Variants in MAGI2 observed in about 807,000 individuals in gnomAD.
MAGI2 encodes membrane associated guanylate kinase, WW and PDZ domain containing 2, also known as membrane-associated guanylate kinase, WW and PDZ domain-containing protein 2.
In MAGI2, 35 loss-of-function variants were observed where a neutral mutation model predicts 133.3. The observed-to-expected ratio is 0.26, with a 90% CI of 0.20 to 0.35. The LOEUF is 0.35. MAGI2 is among the 10% of genes least tolerant of loss of function. The probability of loss-of-function intolerance (pLI) is 1.00; values close to 1 mark genes in which losing one functional copy is unlikely to be tolerated. For synonymous variants in MAGI2, 729 were observed against 710.6 expected, an observed-to-expected ratio of 1.03 and a Z score of -0.41; for missense variants, 1,636 against 1,863.4, an observed-to-expected ratio of 0.88 and a Z score of 2.25.
At chr7:78,044,896 C>T (rs892790034) in intron 21 of MAGI2, among the ~76,000 whole-genome samples, 2 of 152,324 alleles carry the variant, frequency 1.3e-5, no homozygotes, top group Non-Finnish European at 2.9e-5. Context: ...TGGCCGGGTG[C>T]GGCGGCTCAC....
At chr7:78,206,515 A>G (rs1322687974) in intron 10 of MAGI2, among the ~76,000 whole-genome samples, 1 of 151,728 alleles carries the variant, frequency 6.6e-6, no homozygotes, top group East Asian at 1.9e-4. Flanking sequence ...CTGGTCTCAA[A>G]CTCCTGATCT....
At chr7:78,762,912 T>G (rs979877236) in intron 2 of MAGI2, among the ~76,000 whole-genome samples, 1 of 152,208 alleles carries the variant, frequency 6.6e-6, no homozygotes, top group African/African-American at 2.4e-5. Flanking sequence ...GAACACAGTT[T>G]AGTTTGGTAC....
At chr7:78,852,227 T>G (rs1171844895) in intron 2 of MAGI2, among the ~76,000 whole-genome samples, 4 of 152,158 alleles carry the variant, frequency 2.6e-5, no homozygotes, top group Non-Finnish European at 4.4e-5. Flanking sequence ...CTATTCATTT[T>G]GTCTACCTAT....
chr7:79,284,195 T>C (rs1835845611), intron 1 of MAGI2, among the ~76,000 whole-genome samples: 1 of 152,116 alleles, frequency 6.6e-6, no homozygotes, highest in Non-Finnish European at 1.5e-5. Flanking sequence ...TTTTACATTT[T>C]ATGATAGGGT....
chr7:78,936,824 A>G (rs1800553416), intron 2 of MAGI2, among the ~76,000 whole-genome samples: 1 of 152,086 alleles, frequency 6.6e-6, no homozygotes, highest in South Asian at 2.1e-4. Context: ...GATTGCAATC[A>G]GAAATATCAA....
At chr7:78,994,218 C>T (rs1397196456) in intron 2 of MAGI2, among the ~76,000 whole-genome samples, 4 of 152,056 alleles carry the variant, frequency 2.6e-5, no homozygotes, top group Admixed American at 6.6e-5. Flanking sequence ...GAGACTGTTG[C>T]TTTTCTTCAT....
intron 1 of MAGI2, among the ~76,000 whole-genome samples, chr7:79,285,516 T>C (rs1201118778): frequency 6.6e-6 from 1 of 152,156 alleles, no homozygotes; most frequent in East Asian, 1.9e-4. Flanking sequence ...CTTGTCAGAA[T>C]CTGCCAGTGT....
At chr7:79,222,055 G>A (rs1830481818) in intron 1 of MAGI2, among the ~76,000 whole-genome samples, 1 of 151,988 alleles carries the variant, frequency 6.6e-6, no homozygotes. Flanking sequence ...AAGCTACCAA[G>A]TGTTCGATGG....
chr7:79,254,224 C>T (rs1034068380), intron 1 of MAGI2, among the ~76,000 whole-genome samples: 1 of 152,018 alleles, frequency 6.6e-6, no homozygotes, highest in African/African-American at 2.4e-5. Context: ...TTGGGTTGTT[C>T]AACTTTTTCT....
intron 1 of MAGI2, among the ~76,000 whole-genome samples, chr7:79,349,795 G>A (rs1393329039): frequency 3.9e-5 from 6 of 151,936 alleles, no homozygotes; most frequent in Admixed American, 3.9e-4. Context: ...GGGAAATTTA[G>A]AATTAACTTT....
chr7:78,481,405 C>T (rs560049315), intron 6 of MAGI2, among the ~76,000 whole-genome samples: 18 of 152,036 alleles, frequency 1.2e-4, no homozygotes, highest in Non-Finnish European at 2.2e-4. Flanking sequence ...GGGCAAACTG[C>T]CCCATAATTC....
At chr7:78,502,600 A>G (rs1794720907) in intron 4 of MAGI2, among the ~76,000 whole-genome samples, 1 of 152,070 alleles carries the variant, frequency 6.6e-6, no homozygotes, top group Non-Finnish European at 1.5e-5. Context: ...TGTTGTTCTT[A>G]ATCTCTTACT....
At chr7:79,196,021 T>G (rs1047391865) in intron 1 of MAGI2, among the ~76,000 whole-genome samples, 1 of 151,948 alleles carries the variant, frequency 6.6e-6, no homozygotes, top group African/African-American at 2.4e-5. Context: ...GAATATCTAT[T>G]GTACAACATG....
At chr7:78,308,287 G>A (rs1210207519) in intron 9 of MAGI2, among the ~76,000 whole-genome samples, 2 of 152,184 alleles carry the variant, frequency 1.3e-5, no homozygotes, top group Non-Finnish European at 1.5e-5. Context: ...GACACTCTGA[G>A]GCCACCTTGA....
intron 10 of MAGI2, among the ~76,000 whole-genome samples, chr7:78,242,357 G>A (rs1489188917): frequency 2.0e-5 from 3 of 152,202 alleles, no homozygotes; most frequent in African/African-American, 7.2e-5. Context: ...ATGGAGGGGA[G>A]GTGCTCAGGA....
intron 9 of MAGI2, among the ~76,000 whole-genome samples, chr7:78,322,439 GAT>G (rs1788098842): frequency 6.6e-6 from 1 of 152,308 alleles, no homozygotes; most frequent in South Asian, 2.1e-4. Flanking sequence ...CATAAAAAAG[GAT>G]ATGTTTCTGT....
intron 2 of MAGI2, among the ~76,000 whole-genome samples, chr7:78,910,938 T>C (rs1240174073): frequency 3.3e-5 from 5 of 152,242 alleles, no homozygotes; most frequent in Non-Finnish European, 7.3e-5. Context: ...ATTTGCACTC[T>C]TGACCAATAA....
At chr7:78,199,801 A>T (rs1829070516) in intron 11 of MAGI2, among the ~76,000 whole-genome samples, 1 of 152,340 alleles carries the variant, frequency 6.6e-6, no homozygotes, top group Non-Finnish European at 1.5e-5. Context: ...GGAATTACTG[A>T]CTATGCATGT....
chr7:78,356,305 A>C (rs1792075535), intron 7 of MAGI2, among the ~76,000 whole-genome samples: 1 of 152,192 alleles, frequency 6.6e-6, no homozygotes. Context: ...GTTGTAGGCC[A>C]GGTTCAGTTC....
Sources: allele counts gnomAD v4.1 joint callset (sites outside exome capture counted in the v4.1 genomes callset), GRCh38; gene constraint gnomAD v4.1.1; transcripts MANE v1.5; gene names NCBI Gene and HGNC (gene_info 2026-07-23, HGNC 2026-07-21).